The following OR1F1 variants were observed in gnomAD, a reference collection of about 807,000 sequenced individuals.
OR1F1 encodes the protein olfactory receptor family 1 subfamily F member 1.
For synonymous variants in OR1F1, 184 were observed against 156.7 expected, an observed-to-expected ratio of 1.17 and a Z score of -1.30; for missense variants, 493 against 376.3, an observed-to-expected ratio of 1.31 and a Z score of -2.57.
upstream of OR1F1, chr16:3,204,170 C>T (rs925806089): frequency 3.1e-5 from 33 of 1,077,552 alleles, no homozygotes; most frequent in Middle Eastern, 6.2e-4. Context: ...CATTCCTGTG[C>T]CCCATCTTAA....
chr16:3,192,010 G>T, the OR1F1 span, among the ~76,000 whole-genome samples: 7,867 of 152,204 alleles, frequency 0.052, 683 homozygotes, highest in African/African-American at 0.18. Context: ...CTAGGGGTAT[G>T]ATTCTCGCTT....
chr16:3,204,903 G>A (rs752620407), exon 1 of OR1F1: 17 of 1,613,970 alleles, frequency 1.1e-5, no homozygotes, highest in Non-Finnish European at 1.7e-6. Context: ...CTTCTTATAT[G>A]CACATCACCT....
At chr16:3,201,768 C>T (rs547846912), upstream of OR1F1, among the ~76,000 whole-genome samples, 12 of 152,220 alleles carry the variant, frequency 7.9e-5, no homozygotes, top group South Asian at 4.2e-4. Context: ...AGAGATGGGG[C>T]GGAAGCAGCT....
At chr16:3,202,927 A>T (rs117579865), upstream of OR1F1, among the ~76,000 whole-genome samples, 3,250 of 152,214 alleles carry the variant, frequency 0.021, 103 homozygotes, top group Admixed American at 0.09. Context: ...GTGGATCTGG[A>T]AATTGAGTGC....
chr16:3,193,904 G>C, the OR1F1 span, among the ~76,000 whole-genome samples: 3 of 151,942 alleles, frequency 2.0e-5, no homozygotes, highest in Non-Finnish European at 4.4e-5. Flanking sequence ...TTCTCAGTAG[G>C]GCACGTGGTA....
At chr16:3,195,110 C>T in the OR1F1 span, among the ~76,000 whole-genome samples, 5 of 152,202 alleles carry the variant, frequency 3.3e-5, no homozygotes, top group Admixed American at 6.5e-5. Flanking sequence ...GCATCCCGGC[C>T]CAGGAGGGTG....
chr16:3,194,169 T>C, the OR1F1 span, among the ~76,000 whole-genome samples: 1 of 151,838 alleles, frequency 6.6e-6, no homozygotes, highest in Admixed American at 6.6e-5. Context: ...ATGAGAAGAG[T>C]GAAGATTTTA....
At chr16:3,192,250 G>T in the OR1F1 span, among the ~76,000 whole-genome samples, 7 of 151,906 alleles carry the variant, frequency 4.6e-5, no homozygotes, top group African/African-American at 1.7e-4. Flanking sequence ...TAGAGATGGG[G>T]TTTCACCGTG....
At chr16:3,193,932 A>T in the OR1F1 span, among the ~76,000 whole-genome samples, 459 of 152,244 alleles carry the variant, frequency 3.0e-3, 2 homozygotes, top group African/African-American at 0.01. Context: ...CAGTGGCCTG[A>T]TGGATAAGGT....
chr16:3,198,742 A>G, the OR1F1 span, among the ~76,000 whole-genome samples: 1 of 152,134 alleles, frequency 6.6e-6, no homozygotes, highest in East Asian at 1.9e-4. Flanking sequence ...GAATCCCAGC[A>G]TTTTGAGAGG....
the OR1F1 span, among the ~76,000 whole-genome samples, chr16:3,192,076 A>T: frequency 1.3e-5 from 2 of 151,972 alleles, no homozygotes; most frequent in Non-Finnish European, 2.9e-5. Flanking sequence ...CTTATTTTTG[A>T]GACAGAGTCT....
chr16:3,204,966 C>G lies in OR1F1; in HGVS notation c.720C>G (p.Thr240=), dbSNP rs759199368. Residue 240 remains threonine, a synonymous_variant, in exon 1 of 1, where the codon ACC becomes ACG. Coordinates refer to ENST00000304646, the Ensembl canonical transcript of OR1F1. ...AGGGAAGGTGGAAAGCCTTCTCCAC[C>G]TGTGGTTCTCACCTGGCTGTGGTTC... The G allele has an allele frequency of 3.1e-6, 5 of 1,614,126 alleles. No individual in the cohort carries two copies. In the South Asian group the frequency reaches 5.5e-5, roughly 18 times the overall value.
chr16:3,191,324 G>C, the OR1F1 span: 1 of 152,238 alleles, frequency 6.6e-6, no homozygotes, highest in East Asian at 1.9e-4. Context: ...CCATTTATGG[G>C]AGATCGCAGA....
upstream of OR1F1, among the ~76,000 whole-genome samples, chr16:3,202,743 G>C (rs1958149333): frequency 6.6e-6 from 1 of 151,136 alleles, no homozygotes; most frequent in Non-Finnish European, 1.5e-5. Context: ...TAGTGGACAT[G>C]GTCTTAGCCC....
chr16:3,204,569 T>C, exon 1 of OR1F1: 1 of 1,614,206 alleles, frequency 6.2e-7, no homozygotes. Context: ...TTCATGTTCG[T>C]GGACATGGAC....
At chr16:3,193,039 C>G in the OR1F1 span, among the ~76,000 whole-genome samples, 1 of 152,144 alleles carries the variant, frequency 6.6e-6, no homozygotes, top group Non-Finnish European at 1.5e-5. Flanking sequence ...CAGGTTCAAG[C>G]GATTTTCCTG....
chr16:3,203,949 G>A (rs1958167266), upstream of OR1F1, among the ~76,000 whole-genome samples: 1 of 152,082 alleles, frequency 6.6e-6, no homozygotes, highest in South Asian at 2.1e-4. Flanking sequence ...CTGACATCCT[G>A]AACTGTGGGG....
chr16:3,198,288 G>A, the OR1F1 span, among the ~76,000 whole-genome samples: 2 of 152,110 alleles, frequency 1.3e-5, no homozygotes, highest in African/African-American at 2.4e-5. Context: ...GTTCTAATCC[G>A]GAGGCTAGCA....
the OR1F1 span, among the ~76,000 whole-genome samples, chr16:3,191,689 T>C: frequency 6.6e-6 from 1 of 150,902 alleles, no homozygotes; most frequent in Non-Finnish European, 1.5e-5. Context: ...AATTTTGGTC[T>C]CCGCGCGCTC....
Sources: allele counts gnomAD v4.1 joint callset (sites outside exome capture counted in the v4.1 genomes callset), GRCh38; gene constraint gnomAD v4.1.1; transcripts MANE v1.5; gene names NCBI Gene and HGNC (gene_info 2026-07-23, HGNC 2026-07-21).